PLCB4: variants seen among roughly 807,000 people sequenced by gnomAD.
The protein encoded by PLCB4 is 1-phosphatidylinositol 4,5-bisphosphate phosphodiesterase beta-4.
A neutral mutation model predicts 178.8 loss-of-function variants in PLCB4; 77 were observed. The ratio of observed to expected loss-of-function variants is 0.43; its 90% CI spans 0.36 to 0.52. PLCB4 has a LOEUF of 0.52. Among genes scored for constraint, PLCB4 ranks in the 20% least tolerant of loss-of-function variants. The pLI is 0.00. For missense variants in PLCB4, 1,024 were observed against 1,453.4 expected (o/e 0.70, Z 4.80); for synonymous variants, 496 against 490.8 (o/e 1.01, Z -0.14).
intron 2 of PLCB4, among the ~76,000 whole-genome samples, chr20:9,169,062 T>C (rs2093021036): frequency 6.6e-6 from 1 of 152,268 alleles, no homozygotes; most frequent in Admixed American, 6.5e-5. Context: ...AGGAGCCTTT[T>C]AAATGCATTG....
chr20:9,227,795 C>T (rs548133370), intron 3 of PLCB4, among the ~76,000 whole-genome samples: 35 of 152,148 alleles, frequency 2.3e-4, no homozygotes, highest in African/African-American at 7.9e-4. Context: ...ATTATTTTGG[C>T]TACTTGGGGG....
At chr20:9,313,207 A>G (rs2094856969) in intron 4 of PLCB4, among the ~76,000 whole-genome samples, 1 of 152,258 alleles carries the variant, frequency 6.6e-6, no homozygotes, top group Admixed American at 6.5e-5. Context: ...ATAATAAATT[A>G]GTTTTTCAAC....
At chr20:9,146,076 T>C (rs556028420) in intron 2 of PLCB4, among the ~76,000 whole-genome samples, 32 of 152,264 alleles carry the variant, frequency 2.1e-4, no homozygotes, top group African/African-American at 7.5e-4. Flanking sequence ...TCAAAATAAT[T>C]CTGTCAAAAG....
Position 9,077,362 on chromosome 20 carries a change from G to A in PLCB4, c.-135+8156G>A, listed in dbSNP as rs149721753. Among the ~76,000 whole-genome samples, 877 of 152,272 alleles carry A rather than the reference G, an allele frequency of 5.8e-3. 8 individuals carry two copies. The highest frequency in any genetic ancestry group is 0.02 in the African/African-American group (839 of 41,558). On this transcript the variant is annotated intron_variant, in intron 1 of 39. Transcript: ENST00000378473. ...TATGCACACTTCAAATTTTGACAGA[G>A]CACTGATGAATTGCCTTTAAAAAAG...
At chr20:9,256,925 A>G (rs1264293769) in intron 3 of PLCB4, among the ~76,000 whole-genome samples, 1 of 152,166 alleles carries the variant, frequency 6.6e-6, no homozygotes, top group Non-Finnish European at 1.5e-5. Flanking sequence ...AGTGAAGTTG[A>G]CATAAATGGA....
In PLCB4 at chr20:9,472,804, T is replaced by C. The variant is rs368570553; in HGVS notation, c.3365T>C (p.Leu1122Ser). ...KAERERRVRE[L>S]NSSNTKKFLE... ...ATTGCTTTTAGGCGAGTCAGGGAGTTAAACAGCAGCAACACTAAAAAGTTT... is the reference window on the plus strand; with the variant it reads ...ATTGCTTTTAGGCGAGTCAGGGAGTCAAACAGCAGCAACACTAAAAAGTTT... The change falls in exon 37 of 40, where the codon TTA becomes TCA. Residue 1122 changes from leucine (L) to serine (S), a missense_variant. Transcript: ENST00000378473. The C allele has an allele frequency of 1.3e-6, 2 of 1,599,378 alleles. No individual in the cohort carries two copies. The highest frequency in any genetic ancestry group is 1.7e-6 in the Non-Finnish European group (2 of 1,170,610).
Position 9,337,115 on chromosome 20 carries a change from CT to C in PLCB4, c.85-6del. ...GTGAGTCATGAAGATCAACACATTT[CT>C]TTTTGACAGGAATCCTTTGTGTTTG... On this transcript the variant is annotated splice_polypyrimidine_tract_variant and intron_variant, in intron 4 of 39. Transcript: ENST00000378473. 1 of 1,594,606 alleles carries C rather than the reference CT, an allele frequency of 6.3e-7. No homozygotes were observed. The highest frequency in any genetic ancestry group is 8.6e-7 in the Non-Finnish European group (1 of 1,162,544).
intron 28 of PLCB4, among the ~76,000 whole-genome samples, chr20:9,432,878 A>G (rs1223076905): frequency 6.6e-6 from 1 of 152,232 alleles, no homozygotes; most frequent in Non-Finnish European, 1.5e-5. Context: ...CTCTCTAAGC[A>G]ATGGAGGTAG....
At chr20:9,426,481 C>T (rs557357114) in intron 28 of PLCB4, among the ~76,000 whole-genome samples, 2 of 152,170 alleles carry the variant, frequency 1.3e-5, no homozygotes, top group South Asian at 4.1e-4. Context: ...CATGTTCAGG[C>T]GATTCTCCTG....
chr20:9,111,973 C>T (rs1025667843), intron 2 of PLCB4, among the ~76,000 whole-genome samples: 9 of 152,006 alleles, frequency 5.9e-5, no homozygotes, highest in Admixed American at 5.9e-4. Flanking sequence ...TTTCAAGGCT[C>T]ATTACCTAAA....
chr20:9,272,616 A>G (rs1361663957), intron 3 of PLCB4, among the ~76,000 whole-genome samples: 2 of 152,108 alleles, frequency 1.3e-5, no homozygotes, highest in African/African-American at 4.8e-5. Context: ...GGCAAGTCAT[A>G]TATTTACTCA....
chr20:9,081,056 T>G (rs1039190521), intron 1 of PLCB4, among the ~76,000 whole-genome samples: 2 of 152,240 alleles, frequency 1.3e-5, no homozygotes, highest in African/African-American at 4.8e-5. Flanking sequence ...CTCTCTATAC[T>G]GTCTCTTTCT....
intron 37 of PLCB4, 86 bp downstream of exon 37, chr20:9,472,933 T>C (rs1432291345): frequency 2.7e-6 from 2 of 733,326 alleles, no homozygotes; most frequent in East Asian, 5.4e-5. Flanking sequence ...CTAGCTAATT[T>C]GTTTAATTTG....
At chr20:9,413,300 A>T (rs185035130) in intron 25 of PLCB4, among the ~76,000 whole-genome samples, 1 of 152,006 alleles carries the variant, frequency 6.6e-6, no homozygotes, top group African/African-American at 2.4e-5. Flanking sequence ...GGATGCAGGG[A>T]GTATTGTTTC....
At chr20:9,163,942 TAA>T (rs1371554672) in intron 2 of PLCB4, among the ~76,000 whole-genome samples, 12 of 152,184 alleles carry the variant, frequency 7.9e-5, no homozygotes, top group African/African-American at 2.9e-4. Context: ...GTAAACGAGA[TAA>T]GTTCATTTAT....
intron 3 of PLCB4, among the ~76,000 whole-genome samples, chr20:9,263,073 G>A (rs753287090): frequency 6.6e-6 from 1 of 152,092 alleles, no homozygotes. Context: ...CCTATTTCAG[G>A]CAGCTCTTAA....
chr20:9,346,621 C>T, intron 7 of PLCB4, among the ~76,000 whole-genome samples: 1 of 152,008 alleles, frequency 6.6e-6, no homozygotes, highest in Non-Finnish European at 1.5e-5. Context: ...TTGACATTTT[C>T]TTGTTAATTG....
At chr20:9,296,522 G>T (rs1159345823) in intron 3 of PLCB4, among the ~76,000 whole-genome samples, 1 of 152,086 alleles carries the variant, frequency 6.6e-6, no homozygotes, top group African/African-American at 2.4e-5. Context: ...ATACCCAAAG[G>T]ATTATAAATC....
intron 2 of PLCB4, among the ~76,000 whole-genome samples, chr20:9,121,516 GGTCTAAAT>G (rs2091962126): frequency 6.6e-6 from 1 of 152,210 alleles, no homozygotes; most frequent in East Asian, 1.9e-4. Flanking sequence ...GCTTTTGTCT[GGTCTAAAT>G]GTAGGAAGTG....
Sources: allele counts gnomAD v4.1 joint callset (sites outside exome capture counted in the v4.1 genomes callset), GRCh38; gene constraint gnomAD v4.1.1; transcripts MANE v1.5; gene names NCBI Gene and HGNC (gene_info 2026-07-23, HGNC 2026-07-21).